SPEN: variants seen among roughly 807,000 people sequenced by gnomAD.
SPEN encodes spen family transcriptional repressor.
A neutral mutation model predicts 269.9 loss-of-function variants in SPEN; 18 were observed. That is an observed-to-expected ratio of 0.07 (90% CI 0.05 to 0.10). The LOEUF is 0.10. Among genes scored for constraint, SPEN ranks in the 10% least tolerant of loss-of-function variants. SPEN has a pLI of 1.00. For missense variants in SPEN, 3,822 were observed against 4,631.2 expected (o/e 0.83, Z 5.07); for synonymous variants, 1,726 against 1,765.7 (o/e 0.98, Z 0.56).
At chr1:15,912,768 A>G (rs1455503065) in intron 5 of SPEN, among the ~76,000 whole-genome samples, 1 of 152,214 alleles carries the variant, frequency 6.6e-6, no homozygotes, top group African/African-American at 2.4e-5. Context: ...TTAAAATTTA[A>G]CACATTTGGA....
intron 3 of SPEN, among the ~76,000 whole-genome samples, chr1:15,886,117 TG>T (rs562009738): frequency 1.2e-4 from 18 of 152,332 alleles, no homozygotes; most frequent in African/African-American, 4.3e-4. Context: ...AGTAAAGTTT[TG>T]TTTTTTTGTT....
intron 1 of SPEN, among the ~76,000 whole-genome samples, chr1:15,850,150 A>G (rs1254927514): frequency 1.3e-5 from 2 of 152,098 alleles, no homozygotes; most frequent in Non-Finnish European, 2.9e-5. Context: ...GACCCACTTT[A>G]TGTGGGAATC....
At position 15,935,689 on chromosome 1, in the gene SPEN, T is replaced by A. The variant is rs749915672; in HGVS notation, c.9449T>A (p.Leu3150Gln). Residue 3150 changes from leucine to glutamine, a missense_variant, in exon 11 of 15, where the codon CTG becomes CAG. This residue lies in a region of SPEN where 153 missense variants were observed against 228.5 expected (regional missense o/e 0.67). Coordinates refer to ENST00000375759, the MANE Select transcript of SPEN (RefSeq NM_015001.3). The surrounding 1 kb of genome is among the most constrained non-coding windows in gnomAD (Gnocchi z 7.7). Reference protein sequence around the residue: ...PQPAPAGVPALASQHPPEEEV... With the variant: ...PQPAPAGVPAQASQHPPEEEV... ...CCAGCCCCAGCTGGTGTGCCTGCAC[T>A]GGCCTCCCAGCACCCTCCCGAGGAG... The A allele has an allele frequency of 6.2e-7, 1 of 1,613,746 alleles. No homozygotes were observed. The highest frequency in any genetic ancestry group is 1.7e-5 in the Admixed American group (1 of 59,998).
Position 15,937,744 on chromosome 1 carries a change from C to T in SPEN, c.10510-68C>T. The T allele has an allele frequency of 6.2e-7, 1 of 1,607,970 alleles. No homozygotes were observed. Among genetic ancestry groups the T allele is most frequent in the Non-Finnish European group, 8.5e-7 (1 of 1,176,366 alleles). ...TTAACAGACCCACAAGCTACAGCCT[C>T]TGGCTGTGTCCAGCATGGCTCAGCG... On this transcript the variant is annotated intron_variant, in intron 12 of 14. Coordinates refer to ENST00000375759, the MANE Select transcript of SPEN (RefSeq NM_015001.3). The surrounding 1 kb of genome is among the most constrained non-coding windows in gnomAD (Gnocchi z 5.7).
chr1:15,883,715 A>AT (rs112580388), intron 3 of SPEN, among the ~76,000 whole-genome samples: 2 of 148,446 alleles, frequency 1.3e-5, no homozygotes, highest in African/African-American at 2.5e-5. Context: ...CTGTCTGTAT[A>AT]TTTTTTTTTA....
rs768147844 is a variant in SPEN at position 15,937,165 on chromosome 1, CCCT to C, written c.10036_10038del (p.Pro3346del). On this transcript the variant is annotated inframe_deletion, in exon 12 of 15. Coordinates refer to ENST00000375759, the MANE Select transcript of SPEN (RefSeq NM_015001.3). This position sits in a 1 kb window ranked among gnomAD's most constrained non-coding sequence, Gnocchi z 5.7. ...TTTGCCTTCCTTCCCTACACCAGGG[CCCT>C]CCTCCTGAAGGTGAGCCCCTGCAGC... The C allele has an allele frequency of 1.4e-5, 23 of 1,609,622 alleles. No homozygotes were observed. In the African/African-American group the frequency reaches 2.5e-4, roughly 18 times the overall value.
In SPEN at chr1:15,933,355, G is replaced by A. The variant is rs1423223931; in HGVS notation, c.7115G>A (p.Gly2372Glu). The change falls in exon 11 of 15, where the codon GGG becomes GAG. Residue 2372 changes from glycine (G) to glutamate (E), a missense_variant. Physicochemically the swap from Gly to Glu is moderately conservative, Grantham distance 98. This residue lies in a region of SPEN where 727 missense variants were observed against 737.9 expected (regional missense o/e 0.99). Transcript: ENST00000375759. This position sits in a 1 kb window ranked among gnomAD's most constrained non-coding sequence, Gnocchi z 5.7. ...GGTGAGAGTCCTGCTGCAAATGAGG[G>A]GACAACAGTACAGCACCCCGAAGCC... ...AQGESPAANE[G>E]TTVQHPEAPQ... 1.2e-6 allele frequency: 2 copies of A among 1,613,928 alleles called. No homozygotes were observed. Among genetic ancestry groups the A allele is most frequent in the South Asian group, 1.1e-5 (1 of 91,080 alleles).
rs756063593 is a variant in SPEN, at chr1:15,934,380, A to G, written c.8140A>G (p.Thr2714Ala). The change falls in exon 11 of 15, where the codon ACG (threonine) becomes GCG (alanine). Residue 2714 changes from threonine (T) to alanine (A), a missense_variant. Around this residue, in one of 16 missense-constraint regions of SPEN, gnomAD observed 329 missense variants for 431.2 expected, o/e 0.76. Coordinates refer to ENST00000375759, the MANE Select transcript of SPEN (RefSeq NM_015001.3). This position sits in a 1 kb window ranked among gnomAD's most constrained non-coding sequence, Gnocchi z 9.2. ...VNVLTTPVNA[T>A]VGTVNAAPGT... ...TGTTCTCACCACTCCAGTGAACGCC[A>G]CGGTGGGCACAGTGAATGCCGCCCC... The G allele has an allele frequency of 5.6e-6, 9 of 1,613,510 alleles. No individual in the cohort carries two copies. In the African/African-American group the frequency reaches 1.2e-4, roughly 22 times the overall value.
At position 15,934,126 on chromosome 1, in the gene SPEN, T is replaced by C; in HGVS notation, c.7886T>C (p.Ile2629Thr). 6.2e-7 allele frequency: 1 copy of C among 1,614,130 alleles called. No individual in the cohort carries two copies. The highest frequency in any genetic ancestry group is 8.5e-7 in the Non-Finnish European group (1 of 1,179,980). Residue 2629 changes from isoleucine (I) to threonine (T), a missense_variant, in exon 11 of 15, where the codon ATT (isoleucine) becomes ACT (threonine). By Grantham distance (89) the Ile-to-Thr change is moderately conservative. Coordinates refer to ENST00000375759, the MANE Select transcript of SPEN (RefSeq NM_015001.3). The surrounding 1 kb of genome is among the most constrained non-coding windows in gnomAD (Gnocchi z 9.2). The part of the protein sequence containing the change: ...TSVISRMPVS[I>T]DLENSQKITL... ...GTTATTAGCCGGATGCCTGTCAGCA[T>C]TGACCTGGAAAATTCACAGAAGATA...
rs142619428 is a variant in SPEN, at chr1:15,912,879, A to G, written c.1243+1578A>G. Among the ~76,000 whole-genome samples, 121 of 152,300 alleles carry G rather than the reference A, an allele frequency of 7.9e-4. 1 individual carries two copies. In the East Asian group the frequency reaches 0.022, roughly 28 times the overall value. ...AGGATCTCATCCAGGGGCATTCAGT[A>G]TGTAACTTTTATCTCTAGATGGTAG... On this transcript the variant is annotated intron_variant, in intron 5 of 14. Coordinates refer to ENST00000375759, the MANE Select transcript of SPEN (RefSeq NM_015001.3).
intron 1 of SPEN, among the ~76,000 whole-genome samples, chr1:15,849,004 C>T (rs1055083906): frequency 2.0e-5 from 3 of 152,100 alleles, no homozygotes; most frequent in African/African-American, 7.2e-5. Context: ...AAAAACCTCC[C>T]CTGAATATTT....
At position 15,937,233 on chromosome 1, in the gene SPEN, C is replaced by T. The variant is rs2148744785; in HGVS notation, c.10097C>T (p.Ala3366Val). The change falls in exon 12 of 15, where the codon GCA becomes GTA. Residue 3366 changes from alanine to valine, a missense_variant. Ala to Val is a moderately conservative substitution (Grantham distance 64, BLOSUM62 0). Transcript: ENST00000375759. This position sits in a 1 kb window ranked among gnomAD's most constrained non-coding sequence, Gnocchi z 5.7. ...CAGTCCACACAGCCTGCCCAGCCTG[C>T]ACCACCCTGCCCGCCCTCCCAGCTC... ...PVQSTQPAQP[A>V]PPCPPSQLGQ... 1.2e-6 allele frequency: 2 copies of T among 1,613,828 alleles called. No homozygotes were observed. Among genetic ancestry groups the T allele is most frequent in the Non-Finnish European group, 1.7e-6 (2 of 1,179,990 alleles).
chr1:15,928,639 A>C lies in SPEN; in HGVS notation c.2399A>C (p.Glu800Ala). 1 of 1,614,010 alleles carries C rather than the reference A, an allele frequency of 6.2e-7. No homozygotes were observed. The highest frequency in any genetic ancestry group is 8.5e-7 in the Non-Finnish European group (1 of 1,180,008). The change falls in exon 11 of 15, where the codon GAG becomes GCG. Residue 800 changes from glutamate to alanine, a missense_variant. Physicochemically the swap from Glu to Ala is moderately radical, Grantham distance 107. This residue lies in a region of SPEN where 572 missense variants were observed against 582.6 expected (regional missense o/e 0.98). Transcript: ENST00000375759. This position sits in a 1 kb window ranked among gnomAD's most constrained non-coding sequence, Gnocchi z 5.7. ...GATAAAGAACGAACTTTTGATCCGG[A>C]GAGAGTGGAGAGAGAGAGACGCTTA... Reference protein sequence around the residue: ...KTDKERTFDPERVERERRLIR... With the variant: ...KTDKERTFDPARVERERRLIR...
chr1:15,911,833 C>T (rs555757581), intron 5 of SPEN, among the ~76,000 whole-genome samples: 7 of 152,008 alleles, frequency 4.6e-5, no homozygotes, highest in South Asian at 4.2e-4. Context: ...TGGTGGCGCA[C>T]GCCTGTAATC....
At chr1:15,900,862 C>T (rs2070892365) in intron 3 of SPEN, among the ~76,000 whole-genome samples, 1 of 151,936 alleles carries the variant, frequency 6.6e-6, no homozygotes, top group African/African-American at 2.4e-5. Flanking sequence ...TTGGTAGATG[C>T]CAGTAACCCT....
At position 15,848,081 on chromosome 1, in the gene SPEN, C is replaced by G; in HGVS notation, c.14C>G (p.Thr5Ser). Residue 5 changes from threonine to serine, a missense_variant, in exon 1 of 15, where the codon ACC (threonine) becomes AGC (serine). Transcript: ENST00000375759. This position sits in a 1 kb window ranked among gnomAD's most constrained non-coding sequence, Gnocchi z 5.1. Reference sequence around the variant, plus strand: ...ACGCCGCCCAGCATGGTCCGGGAAACCAGGCATCTCTGGGTGGGCAACTTA... The same window carrying G: ...ACGCCGCCCAGCATGGTCCGGGAAAGCAGGCATCTCTGGGTGGGCAACTTA... MVRE[T>S]RHLWVGNLPE... is the part of the protein sequence containing the mutation. 6.8e-7 allele frequency: 1 copy of G among 1,470,640 alleles called. No individual in the cohort carries two copies. Among genetic ancestry groups the G allele is most frequent in the Non-Finnish European group, 9.1e-7 (1 of 1,099,796 alleles). 91.1% of individuals were successfully genotyped at this position (1,470,640 alleles called of 1,614,324 possible).
chr1:15,932,115 C>T lies in SPEN; in HGVS notation c.5875C>T (p.Arg1959Ter), dbSNP rs200615625. 1 of 1,604,404 alleles carries T rather than the reference C, an allele frequency of 6.2e-7. No individual in the cohort carries two copies. Among genetic ancestry groups the T allele is most frequent in the Non-Finnish European group, 8.5e-7 (1 of 1,177,198 alleles). ...RRGRPPKTRR[R>*]ADEEEENEAK... ...GGGAAGGCCTCCAAAGACACGCCGG[C>T]GAGCCGATGAAGAGGAGGAGAACGA... Residue 1959 changes from arginine to a stop codon, truncating the protein, a stop_gained, in exon 11 of 15, where the codon CGA becomes TGA. Coordinates refer to ENST00000375759, the MANE Select transcript of SPEN (RefSeq NM_015001.3). LOFTEE classifies it high-confidence loss of function. This position sits in a 1 kb window ranked among gnomAD's most constrained non-coding sequence, Gnocchi z 4.2.
chr1:15,925,730 T>C (rs556978794), intron 10 of SPEN, among the ~76,000 whole-genome samples: 11 of 152,188 alleles, frequency 7.2e-5, no homozygotes, highest in East Asian at 1.9e-4. Context: ...TTTTTAGATA[T>C]AGTTTTAGTT....
intron 13 of SPEN, chr1:15,938,476 A>G (rs1286444504): frequency 2.6e-6 from 1 of 388,038 alleles, no homozygotes; most frequent in Non-Finnish European, 4.6e-6. Flanking sequence ...TGGTGGGGGG[A>G]TGTAAAGTAC....
Sources: allele counts gnomAD v4.1 joint callset (sites outside exome capture counted in the v4.1 genomes callset), GRCh38; gene constraint gnomAD v4.1.1; regional missense constraint gnomAD v4.1.1; non-coding constraint Gnocchi (gnomAD v3.1); transcripts MANE v1.5; gene names NCBI Gene and HGNC (gene_info 2026-07-23, HGNC 2026-07-21).